Variants in NWD2 observed in about 807,000 individuals in gnomAD.
The protein encoded by NWD2 is NACHT and WD repeat domain-containing protein 2.
NWD2 carries 37 observed loss-of-function variants against 132.7 expected under a neutral mutation model. The ratio of observed to expected loss-of-function variants is 0.28; its 90% CI spans 0.21 to 0.37. The LOEUF (loss-of-function observed/expected upper bound fraction) is 0.37, where lower values mean the gene tolerates loss of function less well. NWD2 is among the 10% of genes least tolerant of loss of function. The pLI, the probability that NWD2 is intolerant of heterozygous loss-of-function variation, is 1.00. For synonymous variants in NWD2, 705 were observed against 803.0 expected (o/e 0.88, Z 2.06); for missense variants, 1,592 against 2,122.4 (o/e 0.75, Z 4.91).
At chr4:37,255,744 T>C (rs1717504226) in intron 1 of NWD2, among the ~76,000 whole-genome samples, 2 of 152,116 alleles carry the variant, frequency 1.3e-5, no homozygotes, top group African/African-American at 4.8e-5. Flanking sequence ...AATCTGCTCT[T>C]GGGATTAGAA....
chr4:37,262,910 A>G (rs929874248), intron 1 of NWD2, among the ~76,000 whole-genome samples: 15 of 152,154 alleles, frequency 9.9e-5, no homozygotes, highest in Admixed American at 3.9e-4. Flanking sequence ...TCACTGCCAC[A>G]TCCTCCTACC....
intron 3 of NWD2, among the ~76,000 whole-genome samples, chr4:37,379,974 A>G (rs1399113158): frequency 6.6e-6 from 1 of 152,252 alleles, no homozygotes; most frequent in Non-Finnish European, 1.5e-5. Flanking sequence ...ACAACCGAAA[A>G]GTAAAGGCAA....
At chr4:37,370,440 T>C (rs1720194502) in intron 3 of NWD2, among the ~76,000 whole-genome samples, 1 of 152,218 alleles carries the variant, frequency 6.6e-6, no homozygotes, top group African/African-American at 2.4e-5. Flanking sequence ...GTACATTCCC[T>C]TAAGAGTAAA....
At chr4:37,293,664 A>G (rs1435242708) in intron 1 of NWD2, among the ~76,000 whole-genome samples, 4 of 152,316 alleles carry the variant, frequency 2.6e-5, no homozygotes, top group East Asian at 1.9e-4. Flanking sequence ...ATGAAACCAG[A>G]TGGTGGATGG....
chr4:37,340,738 AG>A (rs1719503589), intron 2 of NWD2, among the ~76,000 whole-genome samples: 1 of 152,214 alleles, frequency 6.6e-6, no homozygotes, highest in Non-Finnish European at 1.5e-5. Context: ...GGCAAATCTG[AG>A]AGAAAATTCT....
intron 3 of NWD2, among the ~76,000 whole-genome samples, chr4:37,376,032 C>T (rs114145822): frequency 0.016 from 2,429 of 152,198 alleles, 69 homozygotes; most frequent in African/African-American, 0.055. Context: ...TTTAAACATT[C>T]CCTTTTTTTA....
chr4:37,274,665 C>T lies in NWD2; in HGVS notation c.151+29447C>T, dbSNP rs1463645879. 5.9e-5 allele frequency among the ~76,000 whole-genome samples: 9 copies of T among 151,798 alleles called. No individual in the cohort carries two copies. In the East Asian group the frequency reaches 1.2e-3, roughly 20 times the overall value. ...TTAGACCAATATCCCTGATGAACAT[C>T]GATGCAAAAATCCTCAATAAAATAC... is the stretch of plus-strand genomic sequence containing the variant. On this transcript the variant is annotated intron_variant, in intron 1 of 6. Coordinates refer to ENST00000309447, the MANE Select transcript of NWD2 (RefSeq NM_001144990.2).
Position 37,447,204 on chromosome 4 carries a change from C to A in NWD2, c.5216C>A (p.Ala1739Asp), listed in dbSNP as rs1425904705. 6 of 1,544,058 alleles carry A rather than the reference C, an allele frequency of 3.9e-6. No homozygotes were observed. Among genetic ancestry groups the A allele is most frequent in the Non-Finnish European group, 5.3e-6 (6 of 1,142,622 alleles). Residue 1739 changes from alanine (A) to aspartate (D), a missense_variant, in exon 7 of 7, where the codon GCC becomes GAC. Physicochemically the swap from Ala to Asp is moderately radical, Grantham distance 126. Transcript: ENST00000309447. ...CTAGAAGCCAGGGGCCACAGCTATG[C>A]CCCTGATAACTGACAAAATGTTTTC... ...SALEARGHSY[A>D]PDN
At chr4:37,314,558 G>A (rs766624847) in intron 1 of NWD2, among the ~76,000 whole-genome samples, 4 of 152,028 alleles carry the variant, frequency 2.6e-5, no homozygotes, top group Non-Finnish European at 4.4e-5. Context: ...TAAAGTTGTT[G>A]TTCACTATAA....
intron 2 of NWD2, among the ~76,000 whole-genome samples, chr4:37,348,675 T>TATATATATATATATATATATACAC (rs1308407988): frequency 4.4e-5 from 1 of 22,570 alleles, no homozygotes; most frequent in Non-Finnish European, 7.6e-5. Context: ...TATATATATA[T>TATATATATATATATATATATACAC]ACACACACAC....
chr4:37,270,352 A>T (rs1187485308), intron 1 of NWD2, among the ~76,000 whole-genome samples: 1 of 151,794 alleles, frequency 6.6e-6, no homozygotes, highest in Non-Finnish European at 1.5e-5. Context: ...AACAGTAATA[A>T]TGTGTTTGCA....
intron 3 of NWD2, among the ~76,000 whole-genome samples, chr4:37,394,180 A>T (rs1330817786): frequency 6.6e-6 from 1 of 152,202 alleles, no homozygotes; most frequent in Admixed American, 6.5e-5. Flanking sequence ...CACTTAAGTA[A>T]ATGTATAATC....
At chr4:37,391,424 T>C (rs536827451) in intron 3 of NWD2, among the ~76,000 whole-genome samples, 1 of 152,328 alleles carries the variant, frequency 6.6e-6, no homozygotes, top group Middle Eastern at 3.4e-3. Context: ...GGGTGTATTT[T>C]GGTCAGCGGA....
chr4:37,279,597 T>A (rs374934536), intron 1 of NWD2, among the ~76,000 whole-genome samples: 1 of 152,212 alleles, frequency 6.6e-6, no homozygotes, highest in East Asian at 1.9e-4. Context: ...TTATATATCT[T>A]GTTAGTGACA....
chr4:37,386,746 G>A (rs1402493828), intron 3 of NWD2, among the ~76,000 whole-genome samples: 1 of 152,148 alleles, frequency 6.6e-6, no homozygotes, highest in African/African-American at 2.4e-5. Context: ...TTGAAGGTGG[G>A]ACCTAGTGGG....
At position 37,336,455 on chromosome 4, in the gene NWD2, C is replaced by T. The variant is rs1719407115; in HGVS notation, c.240+10431C>T. ...GGCCAGTAGCTCCCAGGCTGGACAG[C>T]AAAGCTCTAGATAGTAGTGGGGTCT... On this transcript the variant is annotated intron_variant, in intron 2 of 6. Transcript: ENST00000309447. Among the ~76,000 whole-genome samples the T allele has an allele frequency of 2.6e-5, 4 of 152,244 alleles. No individual in the cohort carries two copies. The South Asian group carries it at 6.2e-4, about 24-fold the overall frequency.
intron 1 of NWD2, among the ~76,000 whole-genome samples, chr4:37,313,659 C>T (rs1256121092): frequency 2.0e-5 from 3 of 150,678 alleles, no homozygotes; most frequent in East Asian, 3.9e-4. Flanking sequence ...TGAGGAAGTT[C>T]GTTTCTATTC....
intron 5 of NWD2, among the ~76,000 whole-genome samples, chr4:37,434,828 T>C: frequency 6.6e-6 from 1 of 150,560 alleles, no homozygotes; most frequent in South Asian, 2.1e-4. Context: ...GAGATGAGGA[T>C]AGAAGTTGGG....
chr4:37,286,592 G>C (rs1436149212), intron 1 of NWD2, among the ~76,000 whole-genome samples: 1 of 152,218 alleles, frequency 6.6e-6, no homozygotes, highest in African/African-American at 2.4e-5. Flanking sequence ...CACAAGCCCT[G>C]TAGTGTGTAG....
Sources: allele counts gnomAD v4.1 joint callset (sites outside exome capture counted in the v4.1 genomes callset), GRCh38; gene constraint gnomAD v4.1.1; transcripts MANE v1.5; gene names NCBI Gene and HGNC (gene_info 2026-07-23, HGNC 2026-07-21).